The following SETD3 variants were observed in gnomAD, a reference collection of about 807,000 sequenced individuals.
SETD3 encodes the protein actin-histidine N-methyltransferase.
Under a neutral mutation model 63.0 loss-of-function variants are expected in SETD3, and 19 were observed. That is an observed-to-expected ratio of 0.30 (90% CI 0.21 to 0.44). SETD3 has a LOEUF of 0.44. Among genes scored for constraint, SETD3 ranks in the 20% least tolerant of loss-of-function variants. The pLI is 1.00. For synonymous variants in SETD3, 286 were observed against 264.1 expected (o/e 1.08, Z -0.80); for missense variants, 587 against 728.5 (o/e 0.81, Z 2.24).
At chr14:99,452,465 A>C (rs1053699327) in intron 6 of SETD3, among the ~76,000 whole-genome samples, 1 of 152,252 alleles carries the variant, frequency 6.6e-6, no homozygotes, top group Non-Finnish European at 1.5e-5. Context: ...GATCTGAACT[A>C]AGTGCCCACA....
chr14:99,463,728 T>C, intron 2 of SETD3, 150 bp from the exon 3 acceptor site: 1 of 649,570 alleles, frequency 1.5e-6, no homozygotes, highest in Non-Finnish European at 2.7e-6. Context: ...TGATAATGAA[T>C]GTGAGAAGTA....
chr14:99,423,784 G>A (rs1015576573), intron 6 of SETD3, among the ~76,000 whole-genome samples: 3 of 151,974 alleles, frequency 2.0e-5, no homozygotes, highest in African/African-American at 7.3e-5. Context: ...AAATCACACA[G>A]AGTGCACCCA....
intron 6 of SETD3, among the ~76,000 whole-genome samples, chr14:99,436,251 C>A (rs1893474677): frequency 6.6e-6 from 1 of 152,144 alleles, no homozygotes; most frequent in African/African-American, 2.4e-5. Flanking sequence ...CTAACCAGAT[C>A]ACCACCGTAC....
intron 6 of SETD3, among the ~76,000 whole-genome samples, chr14:99,440,618 A>G (rs1260793599): frequency 6.6e-6 from 1 of 151,962 alleles, no homozygotes; most frequent in African/African-American, 2.4e-5. Context: ...TGGCAATGGG[A>G]GCTTGTGCGT....
chr14:99,428,856 C>T (rs1893023886), intron 6 of SETD3, among the ~76,000 whole-genome samples: 1 of 152,084 alleles, frequency 6.6e-6, no homozygotes, highest in Non-Finnish European at 1.5e-5. Flanking sequence ...GCACCCTTCC[C>T]CAGTCACACC....
intron 6 of SETD3, among the ~76,000 whole-genome samples, chr14:99,427,921 A>T (rs970989253): frequency 6.6e-6 from 1 of 152,228 alleles, no homozygotes; most frequent in African/African-American, 2.4e-5. Flanking sequence ...TTAAGTCTCT[A>T]AAGATGGGCA....
intron 6 of SETD3, among the ~76,000 whole-genome samples, chr14:99,453,333 A>G (rs765307287): frequency 5.9e-5 from 9 of 152,228 alleles, no homozygotes; most frequent in Non-Finnish European, 1.3e-4. Flanking sequence ...GAACATTCTA[A>G]AACTAGAAAA....
At chr14:99,449,921 C>T (rs1894362285) in intron 6 of SETD3, among the ~76,000 whole-genome samples, 1 of 152,180 alleles carries the variant, frequency 6.6e-6, no homozygotes, top group Non-Finnish European at 1.5e-5. Context: ...AATTTCACAT[C>T]CCCAGAAATA....
At chr14:99,437,664 C>A (rs1028246800) in intron 6 of SETD3, among the ~76,000 whole-genome samples, 13 of 151,994 alleles carry the variant, frequency 8.6e-5, no homozygotes, top group Non-Finnish European at 1.5e-4. Flanking sequence ...GATGTGTGTG[C>A]GTGCCTGTAC....
intron 9 of SETD3, 74 bp downstream of exon 9, chr14:99,406,442 T>G (rs190211241): frequency 1.5e-6 from 2 of 1,369,242 alleles, no homozygotes; most frequent in African/African-American, 2.9e-5. Context: ...AGTTCCTTTT[T>G]AAGATTACCA....
intron 6 of SETD3, among the ~76,000 whole-genome samples, chr14:99,444,709 A>G (rs1471684913): frequency 6.6e-6 from 1 of 152,066 alleles, no homozygotes; most frequent in East Asian, 1.9e-4. Flanking sequence ...AAAATATAAA[A>G]ATTAGCTGGG....
At chr14:99,404,436 C>T in intron 10 of SETD3, 126 bp from the exon 11 acceptor site, 1 of 786,300 alleles carries the variant, frequency 1.3e-6, no homozygotes, top group Non-Finnish European at 2.1e-6. Context: ...ATGGGTCATT[C>T]CAGCTCCTCA....
chr14:99,481,613 C>T (rs3918035), upstream of SETD3: 2,504 of 393,322 alleles, frequency 6.4e-3, 9 homozygotes, highest in Middle Eastern at 0.012. Context: ...CGCTAACCTC[C>T]GGTACACATT....
At position 99,474,418 on chromosome 14, in the gene SETD3, G is replaced by A. The variant is rs199693508; in HGVS notation, c.-9+6310C>T. ...AAGGCAAGCAGGCAGGGAAGAAGGT[G>A]GAATTAATTTCAACTCAGTAACTAC... On this transcript the variant is annotated intron_variant, in intron 1 of 12. Transcript: ENST00000331768. 2.4e-3 allele frequency among the ~76,000 whole-genome samples: 370 copies of A among 152,106 alleles called. 1 individual carries two copies. The highest frequency in any genetic ancestry group is 8.6e-3 in the African/African-American group (357 of 41,458).
At position 99,461,191 on chromosome 14, in the gene SETD3, C is replaced by T; in HGVS notation, c.345+1G>A. 6.2e-7 allele frequency: 1 copy of T among 1,613,788 alleles called. No individual in the cohort carries two copies. The highest frequency in any genetic ancestry group is 8.5e-7 in the Non-Finnish European group (1 of 1,179,924). On this transcript the variant is annotated splice_donor_variant, in intron 4 of 12. Coordinates refer to ENST00000331768, the MANE Select transcript of SETD3 (RefSeq NM_032233.3). LOFTEE classifies it high-confidence loss of function. The stretch of plus-strand genomic sequence containing the variant: ...TTGAGACCAACATTTTATAAACTCA[C>T]CTTGATATCTCTTGTTGCTCTCAAA...
chr14:99,461,901 G>GT (rs1444200252), intron 3 of SETD3, among the ~76,000 whole-genome samples: 1 of 152,164 alleles, frequency 6.6e-6, no homozygotes, highest in African/African-American at 2.4e-5. Flanking sequence ...AACACTAAAT[G>GT]TACCACAGTG....
chr14:99,453,480 G>A (rs1212502421), intron 6 of SETD3, among the ~76,000 whole-genome samples: 2 of 151,914 alleles, frequency 1.3e-5, no homozygotes, highest in African/African-American at 4.8e-5. Context: ...CTCATTCTAG[G>A]GTGCCTACAG....
chr14:99,400,052 C>G, intron 12 of SETD3, 47 bp downstream of exon 12: 1 of 1,531,060 alleles, frequency 6.5e-7, no homozygotes, highest in Non-Finnish European at 8.8e-7. Flanking sequence ...CATTAAACAT[C>G]TTAACAACAC....
intron 9 of SETD3, among the ~76,000 whole-genome samples, chr14:99,406,050 C>T (rs2139621724): frequency 6.6e-6 from 1 of 152,210 alleles, no homozygotes; most frequent in East Asian, 1.9e-4. Flanking sequence ...CTTACCCCTC[C>T]TCCCACCCAA....
Sources: allele counts gnomAD v4.1 joint callset (sites outside exome capture counted in the v4.1 genomes callset), GRCh38; gene constraint gnomAD v4.1.1; transcripts MANE v1.5; gene names NCBI Gene and HGNC (gene_info 2026-07-23, HGNC 2026-07-21).